LAMA2: variants seen among roughly 807,000 people sequenced by gnomAD.
LAMA2 encodes laminin subunit alpha 2.
In LAMA2, 269 loss-of-function variants were observed where a neutral mutation model predicts 364.8. That is an observed-to-expected ratio of 0.74 (90% CI 0.67 to 0.82). The LOEUF is 0.82. Among genes scored for constraint, LAMA2 ranks in the 40% least tolerant of loss-of-function variants. The pLI is 0.00. For synonymous variants in LAMA2, 1,379 were observed against 1,370.6 expected, an observed-to-expected ratio of 1.01 and a Z score of -0.14; for missense variants, 3,807 against 3,873.2, an observed-to-expected ratio of 0.98 and a Z score of 0.45.
At chr6:129,273,245 C>T (rs1054891473) in intron 17 of LAMA2, among the ~76,000 whole-genome samples, 1 of 152,118 alleles carries the variant, frequency 6.6e-6, no homozygotes, top group African/African-American at 2.4e-5. Context: ...AATGGAAGAC[C>T]TACTTGTTTG....
rs66522065 is a variant in LAMA2 at position 129,371,247 on chromosome 6, ATGTGTG to A, written c.4959+1285_4959+1290del. 2.0e-3 allele frequency among the ~76,000 whole-genome samples: 294 copies of A among 148,254 alleles called. 1 individual carries two copies. The highest frequency in any genetic ancestry group is 4.1e-3 in the African/African-American group (163 of 40,200). ...CAATCTGTCTTCAAAGAACTTTGAGATGTGTGTGTGTGTGTGTGTGTGTGTGTGTGT... is the reference window on the plus strand; with the variant it reads ...CAATCTGTCTTCAAAGAACTTTGAGATGTGTGTGTGTGTGTGTGTGTGTGT... On this transcript the variant is annotated intron_variant, in intron 34 of 64. Transcript: ENST00000421865.
intron 12 of LAMA2, among the ~76,000 whole-genome samples, chr6:129,238,649 G>C (rs540726364): frequency 1.3e-3 from 199 of 151,734 alleles, no homozygotes; most frequent in African/African-American, 4.5e-3. Context: ...TGTTTAAAAG[G>C]AATATATAAA....
At chr6:129,234,105 G>T (rs1313570119) in intron 12 of LAMA2, among the ~76,000 whole-genome samples, 1 of 152,100 alleles carries the variant, frequency 6.6e-6, no homozygotes, top group African/African-American at 2.4e-5. Flanking sequence ...TTGATGGGAG[G>T]CCGGAACAAA....
chr6:128,890,550 C>T (rs966419373), intron 1 of LAMA2, among the ~76,000 whole-genome samples: 1 of 151,596 alleles, frequency 6.6e-6, no homozygotes, highest in Non-Finnish European at 1.5e-5. Flanking sequence ...AATACACACA[C>T]ACACACACAC....
intron 17 of LAMA2, among the ~76,000 whole-genome samples, chr6:129,272,729 A>T (rs265399): frequency 2.6e-5 from 4 of 151,896 alleles, no homozygotes; most frequent in Admixed American, 6.6e-5. Flanking sequence ...GCAGGAAGTG[A>T]GTGGTTGGCA....
chr6:129,416,410 T>A (rs897401872), intron 40 of LAMA2, among the ~76,000 whole-genome samples: 2 of 152,144 alleles, frequency 1.3e-5, no homozygotes, highest in African/African-American at 4.8e-5. Flanking sequence ...GTTTTCTTAC[T>A]GTATATTTTG....
chr6:129,126,041 T>G (rs1235365331), intron 4 of LAMA2, among the ~76,000 whole-genome samples: 1 of 152,230 alleles, frequency 6.6e-6, no homozygotes, highest in Non-Finnish European at 1.5e-5. Flanking sequence ...TAATTCTGCC[T>G]GCTGCTGTTT....
chr6:129,272,056 C>A (rs1408543781), intron 17 of LAMA2, among the ~76,000 whole-genome samples: 1 of 152,268 alleles, frequency 6.6e-6, no homozygotes. Context: ...TTACCTTACT[C>A]ATTGTTTGGA....
At chr6:129,337,110 G>C (rs902056044) in intron 29 of LAMA2, among the ~76,000 whole-genome samples, 2 of 152,198 alleles carry the variant, frequency 1.3e-5, no homozygotes, top group Admixed American at 6.5e-5. Flanking sequence ...TATGAAGACT[G>C]CATGGGTCTT....
chr6:129,100,161 A>T, intron 4 of LAMA2, among the ~76,000 whole-genome samples: 1 of 152,330 alleles, frequency 6.6e-6, no homozygotes, highest in East Asian at 1.9e-4. Flanking sequence ...TTCATTAATA[A>T]TGGTTCTCCA....
intron 34 of LAMA2, among the ~76,000 whole-genome samples, chr6:129,378,485 A>G (rs573568688): frequency 5.0e-4 from 76 of 152,336 alleles, no homozygotes; most frequent in African/African-American, 1.7e-3. Context: ...TGAATCTTCA[A>G]CTTAATTACT....
rs1313658861 is a variant in LAMA2, at chr6:129,489,937, AAAAAT to A, written c.7899-1960_7899-1956del. Among the ~76,000 whole-genome samples the A allele has an allele frequency of 3.9e-5, 6 of 152,230 alleles. No homozygotes were observed. In the East Asian group the frequency reaches 9.6e-4, roughly 24 times the overall value. ...ATCAGCCACTGAAACTGTAAAAAAA[AAAAAT>A]AAAGCTGACCTATTACAATACTAAA... On this transcript the variant is annotated intron_variant, in intron 56 of 64. Coordinates refer to ENST00000421865, the MANE Select transcript of LAMA2 (RefSeq NM_000426.4).
At chr6:129,373,385 T>C (rs80182789) in intron 34 of LAMA2, among the ~76,000 whole-genome samples, 2,156 of 152,296 alleles carry the variant, frequency 0.014, 42 homozygotes, top group African/African-American at 0.049. Flanking sequence ...ACCAAGAGCC[T>C]TCACATACTC....
chr6:128,957,626 G>A (rs1781230735), intron 1 of LAMA2, among the ~76,000 whole-genome samples: 1 of 152,042 alleles, frequency 6.6e-6, no homozygotes, highest in African/African-American at 2.4e-5. Context: ...AGAAACAGAT[G>A]TAGAATAATC....
chr6:128,911,169 T>C (rs1777906835), intron 1 of LAMA2, among the ~76,000 whole-genome samples: 1 of 152,142 alleles, frequency 6.6e-6, no homozygotes, highest in Non-Finnish European at 1.5e-5. Context: ...CTACACCCAG[T>C]TCGAGCTTCC....
chr6:129,216,587 C>A (rs1012100399), intron 12 of LAMA2, among the ~76,000 whole-genome samples: 1 of 152,070 alleles, frequency 6.6e-6, no homozygotes, highest in Non-Finnish European at 1.5e-5. Context: ...ATGACAAATG[C>A]TAGTCAATGT....
chr6:129,350,192 A>G (rs558136476), intron 31 of LAMA2, among the ~76,000 whole-genome samples: 25 of 152,358 alleles, frequency 1.6e-4, no homozygotes, highest in African/African-American at 6.0e-4. Flanking sequence ...AATGTTAACT[A>G]CTAACATTAT....
intron 21 of LAMA2, among the ~76,000 whole-genome samples, chr6:129,299,411 A>G (rs1773408902): frequency 6.6e-6 from 1 of 152,142 alleles, no homozygotes; most frequent in Non-Finnish European, 1.5e-5. Flanking sequence ...CTATGGAAGC[A>G]TTTATCATTA....
intron 58 of LAMA2, among the ~76,000 whole-genome samples, chr6:129,494,065 TACC>T (rs1785023432): frequency 6.6e-6 from 1 of 152,330 alleles, no homozygotes; most frequent in South Asian, 2.1e-4. Context: ...TCAATACACA[TACC>T]TGAATTGTTT....
Sources: gnomAD v4.1 joint callset for allele counts (sites outside exome capture counted in the v4.1 genomes callset) on GRCh38, gnomAD v4.1.1 for gene constraint, MANE v1.5 for transcripts, NCBI Gene and HGNC (gene_info 2026-07-23, HGNC 2026-07-21) for gene names.